The following ZCCHC7 variants were observed in gnomAD, a reference collection of about 807,000 sequenced individuals.
The protein encoded by ZCCHC7 is zinc finger CCHC domain-containing protein 7.
ZCCHC7 carries 35 observed loss-of-function variants against 52.0 expected under a neutral mutation model. That is an observed-to-expected ratio of 0.67 (90% confidence interval 0.51 to 0.89). The LOEUF is 0.89. Ranked by LOEUF, ZCCHC7 falls within the 40% of genes least tolerant of loss-of-function variation. The pLI, the probability that ZCCHC7 is intolerant of heterozygous loss-of-function variation, is 0.00. For synonymous variants in ZCCHC7, 217 were observed against 221.5 expected (o/e 0.98, Z 0.18); for missense variants, 574 against 649.1 (o/e 0.88, Z 1.26).
intron 7 of ZCCHC7, among the ~76,000 whole-genome samples, chr9:37,349,786 TTAGA>T (rs1821252239): frequency 6.6e-6 from 1 of 152,144 alleles, no homozygotes; most frequent in Admixed American, 6.5e-5. Context: ...TAGCATGATT[TTAGA>T]TTTTCTTTTT....
At chr9:37,263,788 A>T (rs1588572456) in intron 2 of ZCCHC7, among the ~76,000 whole-genome samples, 1 of 152,194 alleles carries the variant, frequency 6.6e-6, no homozygotes, top group African/African-American at 2.4e-5. Flanking sequence ...AAGACAGAAA[A>T]CCCAGCCAAT....
chr9:37,133,005 T>C (rs1466052483), intron 2 of ZCCHC7, among the ~76,000 whole-genome samples: 1 of 152,128 alleles, frequency 6.6e-6, no homozygotes, highest in African/African-American at 2.4e-5. Flanking sequence ...AGTGTGGTGG[T>C]GTGCACCTGT....
intron 7 of ZCCHC7, among the ~76,000 whole-genome samples, chr9:37,352,511 CTT>C (rs869266535): frequency 6.9e-4 from 56 of 81,570 alleles, no homozygotes; most frequent in East Asian, 2.5e-3. Flanking sequence ...ACAATTTGCT[CTT>C]TTTTTTTTTT....
chr9:37,175,494 A>G (rs1320025214), intron 2 of ZCCHC7, among the ~76,000 whole-genome samples: 1 of 152,094 alleles, frequency 6.6e-6, no homozygotes, highest in Non-Finnish European at 1.5e-5. Context: ...ACTTGAGTCC[A>G]GGAGTTTGAG....
At chr9:37,152,316 T>C (rs1381405812) in intron 2 of ZCCHC7, among the ~76,000 whole-genome samples, 2 of 152,152 alleles carry the variant, frequency 1.3e-5, no homozygotes, top group Non-Finnish European at 2.9e-5. Context: ...TCATGTGCCC[T>C]GTATTCAGTT....
At chr9:37,134,932 G>C (rs1384247360) in intron 2 of ZCCHC7, among the ~76,000 whole-genome samples, 1 of 152,022 alleles carries the variant, frequency 6.6e-6, no homozygotes, top group Non-Finnish European at 1.5e-5. Context: ...TCTCCATGCT[G>C]GTCAGGCTGG....
chr9:37,340,079 A>G (rs976084328), intron 6 of ZCCHC7, among the ~76,000 whole-genome samples: 8 of 152,182 alleles, frequency 5.3e-5, no homozygotes, highest in African/African-American at 1.9e-4. Flanking sequence ...AACTGTTTTA[A>G]TGGCATTCAT....
At chr9:37,163,483 C>T (rs1410435901) in intron 2 of ZCCHC7, among the ~76,000 whole-genome samples, 1 of 151,774 alleles carries the variant, frequency 6.6e-6, no homozygotes, top group African/African-American at 2.4e-5. Flanking sequence ...ATGAGATTTT[C>T]AGTTCCTCCA....
chr9:37,289,935 A>C (rs10973289), intron 2 of ZCCHC7, among the ~76,000 whole-genome samples: 18,539 of 152,202 alleles, frequency 0.12, 1,494 homozygotes, highest in Non-Finnish European at 0.16. Context: ...TAATTCTTCC[A>C]TCTCCTTTAA....
At chr9:37,137,344 G>A (rs1335572814) in intron 2 of ZCCHC7, among the ~76,000 whole-genome samples, 1 of 152,158 alleles carries the variant, frequency 6.6e-6, no homozygotes, top group African/African-American at 2.4e-5. Flanking sequence ...TCGAAAAATG[G>A]GTAGGACTTG....
chr9:37,348,107 G>C (rs1588705273), intron 6 of ZCCHC7, among the ~76,000 whole-genome samples: 1 of 152,214 alleles, frequency 6.6e-6, no homozygotes, highest in East Asian at 1.9e-4. Flanking sequence ...ATTACTTTCA[G>C]ATCTACTCTT....
At chr9:37,140,208 T>C (rs1462198128) in intron 2 of ZCCHC7, among the ~76,000 whole-genome samples, 6 of 151,992 alleles carry the variant, frequency 3.9e-5, no homozygotes, top group Non-Finnish European at 8.8e-5. Flanking sequence ...TTGTCAATGG[T>C]TTTATTTAGA....
At chr9:37,243,996 CATTTT>C (rs993085298) in intron 2 of ZCCHC7, among the ~76,000 whole-genome samples, 2 of 151,774 alleles carry the variant, frequency 1.3e-5, no homozygotes, top group African/African-American at 4.8e-5. Flanking sequence ...CATCTTGACT[CATTTT>C]ATTCATTTTT....
intron 1 of ZCCHC7, among the ~76,000 whole-genome samples, chr9:37,124,102 G>A (rs1393474655): frequency 6.6e-6 from 1 of 152,132 alleles, no homozygotes; most frequent in Admixed American, 6.5e-5. Flanking sequence ...GTATTTTTGG[G>A]CAGAAATTTG....
At chr9:37,308,932 G>T (rs552248440) in intron 5 of ZCCHC7, among the ~76,000 whole-genome samples, 1 of 145,030 alleles carries the variant, frequency 6.9e-6, no homozygotes, top group South Asian at 2.2e-4. Flanking sequence ...AGTGAGCCAA[G>T]ATCATGCCAC....
intron 2 of ZCCHC7, among the ~76,000 whole-genome samples, chr9:37,213,734 GCCTTT>G (rs1456246999): frequency 6.6e-6 from 1 of 152,048 alleles, no homozygotes; most frequent in Non-Finnish European, 1.5e-5. Context: ...TCCTGAGAGT[GCCTTT>G]CCTTTCCTTA....
At chr9:37,223,509 G>A (rs565895349) in intron 2 of ZCCHC7, among the ~76,000 whole-genome samples, 1 of 152,170 alleles carries the variant, frequency 6.6e-6, no homozygotes, top group Admixed American at 6.5e-5. Flanking sequence ...AGTTGGGGGA[G>A]GTTACTTAAA....
chr9:37,266,299 G>A (rs1406298720), intron 2 of ZCCHC7, among the ~76,000 whole-genome samples: 3 of 152,106 alleles, frequency 2.0e-5, no homozygotes, highest in Non-Finnish European at 2.9e-5. Context: ...GCCAAAATGG[G>A]CAAAGGAAGA....
At chr9:37,203,633 G>A (rs1206009286) in intron 2 of ZCCHC7, among the ~76,000 whole-genome samples, 1 of 152,170 alleles carries the variant, frequency 6.6e-6, no homozygotes, top group Admixed American at 6.5e-5. Flanking sequence ...CAGAGGACAT[G>A]ATCTCATTCC....
Sources: allele counts gnomAD v4.1 joint callset (sites outside exome capture counted in the v4.1 genomes callset), GRCh38; gene constraint gnomAD v4.1.1; transcripts MANE v1.5; gene names NCBI Gene and HGNC (gene_info 2026-07-23, HGNC 2026-07-21).